The following KIAA1328 variants were observed in gnomAD, a reference collection of about 807,000 sequenced individuals.
KIAA1328 encodes KIAA1328.
In KIAA1328, 52 loss-of-function variants were observed where a neutral mutation model predicts 68.1. That is an observed-to-expected ratio of 0.76 (90% CI 0.61 to 0.96). The LOEUF (loss-of-function observed/expected upper bound fraction) is 0.96, where lower values mean the gene tolerates loss of function less well. Among genes scored for constraint, KIAA1328 ranks in the 40% least tolerant of loss-of-function variants. The probability of loss-of-function intolerance (pLI) is 0.00; values close to 1 mark genes in which losing one functional copy is unlikely to be tolerated. For missense variants in KIAA1328, 641 were observed against 677.6 expected (o/e 0.95, Z 0.60); for synonymous variants, 232 against 239.4 (o/e 0.97, Z 0.28).
intron 7 of KIAA1328, among the ~76,000 whole-genome samples, chr18:37,122,620 A>T (rs1374921271): frequency 6.6e-6 from 1 of 152,066 alleles, no homozygotes; most frequent in African/African-American, 2.4e-5. Flanking sequence ...TTACTACTGT[A>T]ATAGGAGGGA....
intron 5 of KIAA1328, among the ~76,000 whole-genome samples, chr18:36,942,107 T>C (rs1402527507): frequency 1.3e-5 from 2 of 152,198 alleles, no homozygotes; most frequent in African/African-American, 4.8e-5. Flanking sequence ...GGAAGGTTGC[T>C]GAAGTGGGAT....
rs528191589 is a variant in KIAA1328 at position 36,969,897 on chromosome 18, A to G, written c.576+10462A>G. Among the ~76,000 whole-genome samples, 4 of 152,280 alleles carry G rather than the reference A, an allele frequency of 2.6e-5. No individual in the cohort carries two copies. In the East Asian group the frequency reaches 7.7e-4, roughly 29 times the overall value. ...CAGAGGACAAACAGGAGCTGGTACC[A>G]TTCCTTCTCACACTATTCTGAACAA... On this transcript the variant is annotated intron_variant, in intron 6 of 9. Transcript: ENST00000280020.
intron 9 of KIAA1328, 116 bp downstream of exon 9, chr18:37,173,197 G>T: frequency 1.4e-6 from 1 of 728,606 alleles, no homozygotes. Flanking sequence ...TTTCTCAAGA[G>T]AGGTCCTTCT....
intron 9 of KIAA1328, among the ~76,000 whole-genome samples, chr18:37,191,749 T>A (rs942253873): frequency 2.0e-5 from 3 of 151,292 alleles, no homozygotes; most frequent in Middle Eastern, 3.2e-3. Flanking sequence ...AACGTACAGG[T>A]GTATCAAGAA....
intron 6 of KIAA1328, among the ~76,000 whole-genome samples, chr18:36,981,551 A>G (rs2052686785): frequency 6.6e-6 from 1 of 152,126 alleles, no homozygotes; most frequent in African/African-American, 2.4e-5. Context: ...ATAAAGACAA[A>G]TAGTACCATA....
intron 5 of KIAA1328, among the ~76,000 whole-genome samples, chr18:36,903,936 C>T (rs1373427674): frequency 6.6e-6 from 1 of 152,114 alleles, no homozygotes; most frequent in African/African-American, 2.4e-5. Flanking sequence ...GCTTAGGCCT[C>T]ATGCCAGACT....
rs560493218 is a variant in KIAA1328 at position 36,910,456 on chromosome 18, C to G, written c.448+24784C>G. Among the ~76,000 whole-genome samples, 7 of 152,044 alleles carry G rather than the reference C, an allele frequency of 4.6e-5. No homozygotes were observed. The East Asian group carries it at 9.7e-4, about 21-fold the overall frequency. On this transcript the variant is annotated intron_variant, in intron 5 of 9. Transcript: ENST00000280020. ...TAGATGTGTGGTATTATTTCTGAGGCCTCTGTTCTGTTCCATTGGTCTATA... is the reference window on the plus strand; with the variant it reads ...TAGATGTGTGGTATTATTTCTGAGGGCTCTGTTCTGTTCCATTGGTCTATA...
chr18:36,842,514 TG>T (rs1481607469), intron 3 of KIAA1328, among the ~76,000 whole-genome samples: 1 of 151,852 alleles, frequency 6.6e-6, no homozygotes, highest in Non-Finnish European at 1.5e-5. Context: ...AAGCAGAGGG[TG>T]GAAGGGTAGT....
intron 5 of KIAA1328, among the ~76,000 whole-genome samples, chr18:36,957,771 C>T (rs900682985): frequency 2.0e-5 from 3 of 152,030 alleles, no homozygotes; most frequent in African/African-American, 7.2e-5. Context: ...ATTACTTGTA[C>T]CCCATACTGA....
chr18:36,896,622 C>CT (rs1178861390), intron 5 of KIAA1328, among the ~76,000 whole-genome samples: 1 of 152,100 alleles, frequency 6.6e-6, no homozygotes, highest in African/African-American at 2.4e-5. Context: ...GTTTAATTAT[C>CT]TTTTTTTCAG....
At chr18:37,024,194 A>C (rs952059609) in intron 6 of KIAA1328, among the ~76,000 whole-genome samples, 21 of 151,832 alleles carry the variant, frequency 1.4e-4, no homozygotes, top group Non-Finnish European at 2.9e-4. Flanking sequence ...GGGTACTGCT[A>C]TGTTGATCGG....
In KIAA1328 at chr18:37,058,464, G is replaced by A. The variant is rs2056011015; in HGVS notation, c.577-8426G>A. ...ATGGTGGCTCATGCCTGTAATCCTA[G>A]CACTTTGGGAGGCCAAGGCAGGTGG... On this transcript the variant is annotated intron_variant, in intron 6 of 9. Transcript: ENST00000280020. 2.0e-5 allele frequency among the ~76,000 whole-genome samples: 3 copies of A among 152,244 alleles called. No individual in the cohort carries two copies. The South Asian group carries it at 6.2e-4, about 32-fold the overall frequency.
At chr18:37,045,028 A>G (rs568459941) in intron 6 of KIAA1328, among the ~76,000 whole-genome samples, 1 of 152,302 alleles carries the variant, frequency 6.6e-6, no homozygotes, top group South Asian at 2.1e-4. Flanking sequence ...GAGAGAAGAA[A>G]GAAATTTATA....
intron 3 of KIAA1328, among the ~76,000 whole-genome samples, chr18:36,842,891 A>G (rs890323626): frequency 2.6e-5 from 4 of 152,074 alleles, no homozygotes; most frequent in Admixed American, 2.6e-4. Context: ...ACAATGTTAT[A>G]TGCTTCTGAT....
intron 9 of KIAA1328, among the ~76,000 whole-genome samples, chr18:37,199,246 C>T (rs113249502): frequency 1.2e-3 from 185 of 152,266 alleles, no homozygotes; most frequent in African/African-American, 4.3e-3. Flanking sequence ...CCTCTCCCTC[C>T]TCCCACCTTC....
At chr18:36,942,755 A>G (rs2050761199) in intron 5 of KIAA1328, among the ~76,000 whole-genome samples, 1 of 152,166 alleles carries the variant, frequency 6.6e-6, no homozygotes, top group South Asian at 2.1e-4. Context: ...TATGGTAGAA[A>G]TTAGCCATCA....
chr18:37,128,285 A>G lies in KIAA1328; in HGVS notation c.1233-31915A>G, dbSNP rs1172510118. 2.6e-5 allele frequency among the ~76,000 whole-genome samples: 4 copies of G among 152,208 alleles called. No individual in the cohort carries two copies. In the South Asian group the frequency reaches 6.2e-4, roughly 24 times the overall value. On this transcript the variant is annotated intron_variant, in intron 7 of 9. Transcript: ENST00000280020. Reference sequence around the variant, plus strand: ...GGAGTTTAAGACCAGCCTGGCTAACATGGAGAAACCCTGATTTTACTAAAA... The same window carrying G: ...GGAGTTTAAGACCAGCCTGGCTAACGTGGAGAAACCCTGATTTTACTAAAA...
chr18:37,198,630 A>AG (rs2060048283), intron 9 of KIAA1328, among the ~76,000 whole-genome samples: 1 of 152,224 alleles, frequency 6.6e-6, no homozygotes, highest in African/African-American at 2.4e-5. Flanking sequence ...TGCATTACTA[A>AG]AAGGTTCCTA....
intron 5 of KIAA1328, among the ~76,000 whole-genome samples, chr18:36,954,067 ATC>A (rs1283452395): frequency 7.0e-6 from 1 of 142,762 alleles, no homozygotes; most frequent in South Asian, 2.3e-4. Flanking sequence ...CAGTGGCGCA[ATC>A]TCGGCTCACT....
Sources: allele counts gnomAD v4.1 joint callset (sites outside exome capture counted in the v4.1 genomes callset), GRCh38; gene constraint gnomAD v4.1.1; transcripts MANE v1.5; gene names NCBI Gene and HGNC (gene_info 2026-07-23, HGNC 2026-07-21).